Variants in EML6 observed in about 807,000 individuals in gnomAD.
EML6 encodes the protein echinoderm microtubule-associated protein-like 6.
In EML6, 154 loss-of-function variants were observed where a neutral mutation model predicts 240.1. That is an observed-to-expected ratio of 0.64 (90% CI 0.56 to 0.73). The LOEUF is 0.73. Among genes scored for constraint, EML6 ranks in the 30% least tolerant of loss-of-function variants. The pLI, the probability that EML6 is intolerant of heterozygous loss-of-function variation, is 0.00. For synonymous variants in EML6, 1,148 were observed against 899.0 expected (o/e 1.28, Z -4.95); for missense variants, 2,964 against 2,474.6 (o/e 1.20, Z -4.20).
intron 2 of EML6, among the ~76,000 whole-genome samples, chr2:54,793,883 G>A (rs1669608480): frequency 1.3e-5 from 2 of 152,204 alleles, no homozygotes; most frequent in East Asian, 1.9e-4. Flanking sequence ...CCTTCCCCTA[G>A]CCCCTCAATA....
chr2:54,889,733 C>G (rs1672358931), intron 17 of EML6, among the ~76,000 whole-genome samples: 2 of 152,082 alleles, frequency 1.3e-5, no homozygotes, highest in African/African-American at 2.4e-5. Flanking sequence ...ATAGTTTTAG[C>G]TCTTCCATTC....
intron 28 of EML6, among the ~76,000 whole-genome samples, 154 bp from the exon 29 acceptor site, chr2:54,948,726 TGA>T (rs1675814575): frequency 6.7e-6 from 1 of 150,232 alleles, no homozygotes; most frequent in Admixed American, 6.6e-5. Flanking sequence ...AGGCGGGGAG[TGA>T]GAGAGGAGGG....
At chr2:54,895,702 A>T (rs1248107622) in intron 21 of EML6, among the ~76,000 whole-genome samples, 1 of 152,206 alleles carries the variant, frequency 6.6e-6, no homozygotes, top group Non-Finnish European at 1.5e-5. Context: ...CTGAGGCTAA[A>T]CTGGGGAAGA....
chr2:54,886,160 C>CTTTTTTTT (rs869107962), intron 17 of EML6, among the ~76,000 whole-genome samples: 11 of 82,216 alleles, frequency 1.3e-4, no homozygotes, highest in Admixed American at 1.7e-4. Flanking sequence ...TTTTAACCTT[C>CTTTTTTTT]TTTTTTTTTT....
intron 2 of EML6, among the ~76,000 whole-genome samples, chr2:54,810,826 C>T (rs953516921): frequency 6.6e-6 from 1 of 152,164 alleles, no homozygotes; most frequent in Admixed American, 6.5e-5. Context: ...CAATCCTCTT[C>T]TTCCTAGCCT....
chr2:54,961,190 T>TTTTTTTTTTTTTTTTTTG (rs1676491137), intron 35 of EML6, among the ~76,000 whole-genome samples: 1 of 109,314 alleles, frequency 9.1e-6, no homozygotes, highest in Non-Finnish European at 1.9e-5. Context: ...AGTAGTTTTT[T>TTTTTTTTTTTTTTTTTTG]TTTTTTTTTT....
At chr2:54,752,369 A>C (rs937299256) in intron 2 of EML6, among the ~76,000 whole-genome samples, 16 of 152,322 alleles carry the variant, frequency 1.1e-4, no homozygotes, top group Admixed American at 6.5e-4. Context: ...GAAATTTAGC[A>C]AGGTTAATAT....
intron 24 of EML6, among the ~76,000 whole-genome samples, chr2:54,905,962 A>T (rs1673310414): frequency 1.3e-5 from 2 of 152,212 alleles, no homozygotes; most frequent in African/African-American, 4.8e-5. Context: ...CATTTCAGCC[A>T]CTGTGAGTGA....
intron 12 of EML6, among the ~76,000 whole-genome samples, chr2:54,863,573 C>G (rs1312440332): frequency 6.6e-6 from 1 of 151,992 alleles, no homozygotes; most frequent in African/African-American, 2.4e-5. Context: ...GGAAGTTGGC[C>G]TAGTCTGTTA....
chr2:54,839,960 T>G (rs1669354868), intron 7 of EML6, among the ~76,000 whole-genome samples: 1 of 152,232 alleles, frequency 6.6e-6, no homozygotes, highest in African/African-American at 2.4e-5. Context: ...TATTATAATC[T>G]TTTTTCCTTG....
chr2:54,742,194 G>A (rs1683675085), intron 2 of EML6, among the ~76,000 whole-genome samples: 1 of 152,188 alleles, frequency 6.6e-6, no homozygotes, highest in South Asian at 2.1e-4. Flanking sequence ...TAAAAACTCC[G>A]GCCAACTCTA....
intron 2 of EML6, among the ~76,000 whole-genome samples, chr2:54,733,103 G>C (rs563866003): frequency 6.6e-6 from 1 of 152,166 alleles, no homozygotes; most frequent in African/African-American, 2.4e-5. Context: ...TTGTCCACTG[G>C]TTTGCTGCCT....
At chr2:54,786,591 C>T (rs755299063) in intron 2 of EML6, among the ~76,000 whole-genome samples, 2 of 152,188 alleles carry the variant, frequency 1.3e-5, no homozygotes, top group Non-Finnish European at 2.9e-5. Flanking sequence ...GGGAGGTGGA[C>T]AGTTTACACA....
At chr2:54,941,891 C>G (rs1367436407) in intron 28 of EML6, among the ~76,000 whole-genome samples, 1 of 152,202 alleles carries the variant, frequency 6.6e-6, no homozygotes, top group African/African-American at 2.4e-5. Context: ...GGTAGAAATG[C>G]AAGACTCCTG....
chr2:54,814,832 A>G (rs1008606532), intron 3 of EML6, among the ~76,000 whole-genome samples: 3 of 152,172 alleles, frequency 2.0e-5, no homozygotes, highest in Non-Finnish European at 2.9e-5. Context: ...CCCCTGGAAT[A>G]TATGTTCTTT....
chr2:54,756,714 G>C (rs1030719437), intron 2 of EML6, among the ~76,000 whole-genome samples: 1 of 151,684 alleles, frequency 6.6e-6, no homozygotes, highest in Non-Finnish European at 1.5e-5. Context: ...TATTTTTGTT[G>C]TGGTTTTCTC....
chr2:54,733,632 A>T (rs1440867606), intron 2 of EML6, among the ~76,000 whole-genome samples: 1 of 152,142 alleles, frequency 6.6e-6, no homozygotes, highest in Non-Finnish European at 1.5e-5. Flanking sequence ...TAACTCAAGG[A>T]TTCATTTTGC....
chr2:54,746,354 G>A (rs888335685), intron 2 of EML6, among the ~76,000 whole-genome samples: 2 of 152,132 alleles, frequency 1.3e-5, no homozygotes, highest in African/African-American at 2.4e-5. Flanking sequence ...TTAATCAAGA[G>A]GACATATCTG....
At chr2:54,837,026 G>A (rs945430245) in intron 7 of EML6, among the ~76,000 whole-genome samples, 1 of 152,106 alleles carries the variant, frequency 6.6e-6, no homozygotes, top group African/African-American at 2.4e-5. Flanking sequence ...GAAGATCTCT[G>A]CTGTCTTTTC....
Sources: gnomAD v4.1 joint callset for allele counts (sites outside exome capture counted in the v4.1 genomes callset) on GRCh38, gnomAD v4.1.1 for gene constraint, MANE v1.5 for transcripts, NCBI Gene and HGNC (gene_info 2026-07-23, HGNC 2026-07-21) for gene names.